Variants in ZNF714 observed in about 807,000 individuals in gnomAD.
ZNF714 encodes the protein zinc finger protein 714.
In ZNF714, 32 loss-of-function variants were observed where a neutral mutation model predicts 46.2. The ratio of observed to expected loss-of-function variants is 0.69; its 90% CI spans 0.52 to 0.93. ZNF714 has a LOEUF of 0.93. Ranked by LOEUF, ZNF714 falls within the 40% of genes least tolerant of loss-of-function variation. The pLI, the probability that ZNF714 is intolerant of heterozygous loss-of-function variation, is 0.00. For missense variants in ZNF714, 635 were observed against 646.3 expected (o/e 0.98, Z 0.19); for synonymous variants, 199 against 213.1 (o/e 0.93, Z 0.58).
At chr19:21,111,808 C>T (rs915468503) in intron 4 of ZNF714, among the ~76,000 whole-genome samples, 5 of 152,064 alleles carry the variant, frequency 3.3e-5, no homozygotes, top group East Asian at 1.9e-4. Flanking sequence ...TGAATTTGAT[C>T]GAAGGCCTTT....
In ZNF714 at chr19:21,117,050, T is replaced by A; in HGVS notation, c.386T>A (p.Ile129Asn). Residue 129 changes from isoleucine (I) to asparagine (N), a missense_variant, in exon 5 of 5, where the codon ATT (isoleucine) becomes AAT (asparagine). Physicochemically the swap from Ile to Asn is moderately radical, Grantham distance 149. Coordinates refer to ENST00000456283, the MANE Select transcript of ZNF714 (RefSeq NM_182515.4). ...CDKYIKVFHK[I>N]FNSNRHKTRH... ...AAATATATAAAAGTCTTTCATAAAATTTTCAATTCAAATAGACACAAGACA... is the reference window on the plus strand; with the variant it reads ...AAATATATAAAAGTCTTTCATAAAAATTTCAATTCAAATAGACACAAGACA... The A allele has an allele frequency of 6.2e-7, 1 of 1,613,192 alleles. No homozygotes were observed. Among genetic ancestry groups the A allele is most frequent in the Non-Finnish European group, 8.5e-7 (1 of 1,179,544 alleles).
chr19:21,104,600 TTATTTATA>T (rs1969268805), intron 4 of ZNF714, among the ~76,000 whole-genome samples: 1 of 149,450 alleles, frequency 6.7e-6, no homozygotes, highest in Non-Finnish European at 1.5e-5. Context: ...TTCATTTTAT[TTATTTATA>T]TATTTATTTA....
intron 1 of ZNF714, among the ~76,000 whole-genome samples, chr19:21,083,042 A>ATT (rs71176807): frequency 0.016 from 2,326 of 148,254 alleles, 38 homozygotes; most frequent in South Asian, 0.056. Context: ...CCTCAGTTAG[A>ATT]TTTTTTTTTT....
chr19:21,095,744 G>A (rs930724916), intron 2 of ZNF714, among the ~76,000 whole-genome samples: 7 of 152,008 alleles, frequency 4.6e-5, no homozygotes, highest in South Asian at 2.1e-4. Context: ...GTGAGCCACC[G>A]CGCCTAGCCT....
At position 21,117,933 on chromosome 19, in the gene ZNF714, ACT is replaced by A; in HGVS notation, c.1272_1273del (p.Tyr425GlnfsTer3). 1 of 1,613,112 alleles carries A rather than the reference ACT, an allele frequency of 6.2e-7. No individual in the cohort carries two copies. The highest frequency in any genetic ancestry group is 8.5e-7 in the Non-Finnish European group (1 of 1,179,836). ...ATAAGATAATTCATACTGGAGAGAA[ACT>A]CTACAAATGTGAAGAATGTGGCAAA... ...KHKIIHTGEK[L>X]YKCEECGKAF... On this transcript the variant is annotated frameshift_variant, in exon 5 of 5. Coordinates refer to ENST00000456283, the MANE Select transcript of ZNF714 (RefSeq NM_182515.4). LOFTEE classifies it high-confidence loss of function.
In ZNF714 at chr19:21,123,320, TTAA is replaced by T. The variant is rs1969738221; in HGVS notation, c.*4991_*4993del. On this transcript the variant is annotated 3_prime_UTR_variant, in exon 5 of 5. Coordinates refer to ENST00000456283, the MANE Select transcript of ZNF714 (RefSeq NM_182515.4). Reference sequence around the variant, plus strand: ...TATGGAAATTAAATTTTTAAGAGAGTTAATAGTAAACGAATTTAATTTTCTTTT... The same window carrying T: ...TATGGAAATTAAATTTTTAAGAGAGTTAGTAAACGAATTTAATTTTCTTTT... Among the ~76,000 whole-genome samples the T allele has an allele frequency of 6.6e-6, 1 of 152,032 alleles. No homozygotes were observed. The highest frequency in any genetic ancestry group is 2.4e-5 in the African/African-American group (1 of 41,386).
At position 21,120,519 on chromosome 19, in the gene ZNF714, CATTTA is replaced by C. The variant is rs1021185134; in HGVS notation, c.*2192_*2196del. On this transcript the variant is annotated 3_prime_UTR_variant, in exon 5 of 5. Transcript: ENST00000456283. Reference sequence around the variant, plus strand: ...AGTAATATTCTGCATTATGAAAAAACATTTAATTTTATTTAAAATTTAGTTTATCA... The same window carrying C: ...AGTAATATTCTGCATTATGAAAAAACATTTTATTTAAAATTTAGTTTATCA... 2.8e-5 allele frequency: 4 copies of C among 143,850 alleles called. No homozygotes were observed. Among genetic ancestry groups the C allele is most frequent in the Non-Finnish European group, 4.6e-5 (3 of 65,894 alleles). 8.9% of individuals were successfully genotyped at this position (143,850 alleles called of 1,614,324 possible). A position where few individuals can be genotyped will look rare whatever the true frequency, so the allele number is the denominator to read the frequency against.
intron 4 of ZNF714, among the ~76,000 whole-genome samples, chr19:21,101,477 A>C (rs1172732813): frequency 6.6e-6 from 1 of 152,148 alleles, no homozygotes; most frequent in Non-Finnish European, 1.5e-5. Context: ...GGCAGACACG[A>C]GGGCAGTGTC....
At chr19:21,102,684 G>A (rs1443962085) in intron 4 of ZNF714, among the ~76,000 whole-genome samples, 1 of 151,984 alleles carries the variant, frequency 6.6e-6, no homozygotes, top group Admixed American at 6.6e-5. Flanking sequence ...CATAGTGCAT[G>A]CCAATTATTC....
intron 4 of ZNF714, among the ~76,000 whole-genome samples, chr19:21,114,894 T>C (rs1387598144): frequency 6.6e-6 from 1 of 152,196 alleles, no homozygotes; most frequent in Non-Finnish European, 1.5e-5. Flanking sequence ...ATTTTATTTT[T>C]CTCCAGTTAC....
At chr19:21,112,816 A>ATGTTTTTTTTTTTTTT (rs1969481816) in intron 4 of ZNF714, among the ~76,000 whole-genome samples, 1 of 43,210 alleles carries the variant, frequency 2.3e-5, no homozygotes, top group Non-Finnish European at 4.2e-5. Context: ...TTTATTTCTG[A>ATGTTTTTTTTTTTTTT]TTTTTTTTTT....
At chr19:21,106,171 C>T (rs1969307746) in intron 4 of ZNF714, among the ~76,000 whole-genome samples, 1 of 151,930 alleles carries the variant, frequency 6.6e-6, no homozygotes, top group Non-Finnish European at 1.5e-5. Context: ...AGGAGAATCA[C>T]TTGAATCTGG....
intron 4 of ZNF714, among the ~76,000 whole-genome samples, chr19:21,105,990 C>T (rs1300751847): frequency 1.3e-5 from 2 of 151,752 alleles, no homozygotes; most frequent in African/African-American, 4.8e-5. Context: ...GTGGCATATG[C>T]CTGTAATTCC....
intron 4 of ZNF714, among the ~76,000 whole-genome samples, chr19:21,103,631 C>T (rs73022667): frequency 0.078 from 11,891 of 152,146 alleles, 525 homozygotes; most frequent in Non-Finnish European, 0.086. Flanking sequence ...ATTTCAGGGC[C>T]AGACGTGGTG....
intron 4 of ZNF714, among the ~76,000 whole-genome samples, chr19:21,107,827 G>A (rs917884529): frequency 5.3e-5 from 8 of 152,042 alleles, no homozygotes; most frequent in Admixed American, 4.6e-4. Flanking sequence ...CAACCCATGT[G>A]TTTTATTTTT....
At chr19:21,083,832 A>G (rs1968714688) in intron 1 of ZNF714, 146 bp from the exon 2 acceptor site, 3 of 227,706 alleles carry the variant, frequency 1.3e-5, no homozygotes, top group Non-Finnish European at 2.5e-5. Flanking sequence ...TGAAACCTTT[A>G]TGAGGTGATG....
At chr19:21,085,198 G>A (rs576098820) in intron 2 of ZNF714, among the ~76,000 whole-genome samples, 130 of 152,264 alleles carry the variant, frequency 8.5e-4, no homozygotes, top group Non-Finnish European at 1.7e-3. Flanking sequence ...ATAAGAAAAT[G>A]TGGTAGATAA....
At chr19:21,097,505 ATTG>A (rs926077236) in intron 2 of ZNF714, among the ~76,000 whole-genome samples, 35 of 152,212 alleles carry the variant, frequency 2.3e-4, no homozygotes, top group Admixed American at 2.0e-3. Context: ...TTTTCTCTTT[ATTG>A]TTAAGTATCT....
chr19:21,091,912 G>T (rs1467898595), intron 2 of ZNF714, among the ~76,000 whole-genome samples: 1 of 152,154 alleles, frequency 6.6e-6, no homozygotes, highest in African/African-American at 2.4e-5. Context: ...AATGTTGTGA[G>T]ACTAAGCCCT....
Sources: allele counts gnomAD v4.1 joint callset (sites outside exome capture counted in the v4.1 genomes callset), GRCh38; gene constraint gnomAD v4.1.1; transcripts MANE v1.5; gene names NCBI Gene and HGNC (gene_info 2026-07-23, HGNC 2026-07-21).